The following DUSP2 variants were observed in gnomAD, a reference collection of about 807,000 sequenced individuals.
DUSP2 encodes dual specificity phosphatase 2, also known as dual specificity protein phosphatase 2.
Under a neutral mutation model 23.3 loss-of-function variants are expected in DUSP2, and 20 were observed. The observed-to-expected ratio is 0.86, with a 90% CI of 0.60 to 1.25. DUSP2 has a LOEUF of 1.25. Ranked by LOEUF, DUSP2 falls within the 50% of genes most tolerant of loss-of-function variation. DUSP2 has a pLI of 0.00. For synonymous variants in DUSP2, 231 were observed against 209.7 expected, an observed-to-expected ratio of 1.10 and a Z score of -0.88; for missense variants, 435 against 452.6, an observed-to-expected ratio of 0.96 and a Z score of 0.35.
In DUSP2 at chr2:96,143,489, G is replaced by A. The variant is rs889712263; in HGVS notation, c.*334C>T. 2.8e-5 allele frequency: 7 copies of A among 247,482 alleles called. No homozygotes were observed. Among genetic ancestry groups the A allele is most frequent in the Non-Finnish European group, 5.6e-5 (7 of 125,782 alleles). 15.3% of individuals were successfully genotyped at this position (247,482 alleles called of 1,614,324 possible). On this transcript the variant is annotated 3_prime_UTR_variant, in exon 4 of 4. Transcript: ENST00000288943. ...ACAGCTTGTTCCTTGGAGCTCTCAG[G>A]CTGCCAAGGGCTTCAACATGGTGGT...
At chr2:96,144,701 G>A (rs2104788552) in intron 2 of DUSP2, 60 bp downstream of exon 2, 1 of 1,436,830 alleles carries the variant, frequency 7.0e-7, no homozygotes, top group Non-Finnish European at 9.4e-7. Flanking sequence ...TCTTTCCCTA[G>A]AGGCGCCCAG....
Position 96,144,866 on chromosome 2 carries a change from G to A in DUSP2, c.405C>T (p.Phe135=), listed in dbSNP as rs1682478305. 2.6e-6 allele frequency: 4 copies of A among 1,549,760 alleles called. No individual in the cohort carries two copies. Among genetic ancestry groups the A allele is most frequent in the Non-Finnish European group, 3.5e-6 (4 of 1,146,224 alleles). ...VYFLRGGFDG[F]QGCCPDLCSE... ...AGCACAGATCGGGACAGCAGCCCTG[G>A]AAGCCGTCGAAGCCTCCTGCAAGGA... Residue 135 remains phenylalanine (F), a synonymous_variant, in exon 2 of 4, where the codon TTC becomes TTT. Coordinates refer to ENST00000288943, the MANE Select transcript of DUSP2 (RefSeq NM_004418.4).
intron 2 of DUSP2, 129 bp downstream of exon 2, chr2:96,144,632 C>T: frequency 1.1e-6 from 1 of 921,002 alleles, no homozygotes; most frequent in Non-Finnish European, 1.6e-6. Context: ...TCCCCCAACA[C>T]ACACACGTAT....
rs1243809045 is a variant in DUSP2, at chr2:96,144,855, C to G, written c.416G>C (p.Cys139Ser). The change falls in exon 2 of 4, where the codon TGT (cysteine) becomes TCT (serine). Residue 139 changes from cysteine (C) to serine (S), a missense_variant. Physicochemically the swap from Cys to Ser is moderately radical, Grantham distance 112 (BLOSUM62 -1). Transcript: ENST00000288943. ...GGGGGCCTCAGAGCACAGATCGGGA[C>G]AGCAGCCCTGGAAGCCGTCGAAGCC... is the stretch of plus-strand genomic sequence containing the variant. ...RGGFDGFQGC[C>S]PDLCSEAPAP... 1 of 1,554,756 alleles carries G rather than the reference C, an allele frequency of 6.4e-7. No homozygotes were observed. Among genetic ancestry groups the G allele is most frequent in the Non-Finnish European group, 8.7e-7 (1 of 1,149,434 alleles).
At chr2:96,144,096 G>A (rs1682454815) in intron 3 of DUSP2, 58 bp downstream of exon 3, 1 of 1,611,878 alleles carries the variant, frequency 6.2e-7, no homozygotes, top group Non-Finnish European at 8.5e-7. Context: ...GGAGACAGGT[G>A]CCCCCAGTCC....
Position 96,145,177 on chromosome 2 carries a change from G to C in DUSP2, c.178C>G (p.Arg60Gly), listed in dbSNP as rs1408543136. 7.8e-6 allele frequency: 10 copies of C among 1,290,256 alleles called. No individual in the cohort carries two copies. The East Asian group carries it at 3.3e-4, about 43-fold the overall frequency. 79.9% of individuals were successfully genotyped at this position (1,290,256 alleles called of 1,614,324 possible). ...GCGAGAACGGCGGCAGGAGGGCCGC[G>C]CGCGCGGCGCCGCAGCAGCGCGTTC... ...PWNALLRRRA[R>G]GPPAAVLACL... is the part of the protein sequence containing the mutation. The change falls in exon 1 of 4, where the codon CGC (arginine) becomes GGC (glycine). Residue 60 changes from arginine to glycine, a missense_variant. Transcript: ENST00000288943.
rs1450663190 is a variant in DUSP2 at position 96,145,169 on chromosome 2, A to C, written c.186T>G (p.Pro62=). 6.7e-5 allele frequency: 87 copies of C among 1,295,052 alleles called. No homozygotes were observed. Among genetic ancestry groups the C allele is most frequent in the Non-Finnish European group, 8.4e-5 (86 of 1,027,028 alleles). 80.2% of individuals were successfully genotyped at this position (1,295,052 alleles called of 1,614,324 possible). The change falls in exon 1 of 4, where the codon CCT becomes CCG. Residue 62 remains proline (P), a synonymous_variant. Coordinates refer to ENST00000288943, the MANE Select transcript of DUSP2 (RefSeq NM_004418.4). ...NALLRRRARG[P]PAAVLACLLP... ...GCAGGCAGGCGAGAACGGCGGCAGGAGGGCCGCGCGCGCGGCGCCGCAGCA... is the reference window on the plus strand; with the variant it reads ...GCAGGCAGGCGAGAACGGCGGCAGGCGGGCCGCGCGCGCGGCGCCGCAGCA...
In DUSP2 at chr2:96,143,665, C is replaced by A; in HGVS notation, c.*158G>T. On this transcript the variant is annotated 3_prime_UTR_variant, in exon 4 of 4. Transcript: ENST00000288943. ...GCACCAGGTCGGAAAGACCAGCATG[C>A]CGGCATTCCTAGAGCCCCCATGTGG... 2.4e-6 allele frequency: 2 copies of A among 850,606 alleles called. No homozygotes were observed. Among genetic ancestry groups the A allele is most frequent in the Non-Finnish European group, 3.6e-6 (2 of 555,186 alleles). 52.7% of individuals were successfully genotyped at this position (850,606 alleles called of 1,614,324 possible).
chr2:96,144,409 C>A (rs1225248249), intron 2 of DUSP2, 36 bp from the exon 3 acceptor site: 2 of 1,596,488 alleles, frequency 1.3e-6, no homozygotes, highest in Admixed American at 3.4e-5. Flanking sequence ...GCCTTTCCAG[C>A]CCAGCCCCGG....
rs1346418947 is a variant in DUSP2, at chr2:96,143,691, GGGCTTCTGAAA to G, written c.*121_*131del. 1 of 1,073,150 alleles carries G rather than the reference GGGCTTCTGAAA, an allele frequency of 9.3e-7. No homozygotes were observed. Among genetic ancestry groups the G allele is most frequent in the Non-Finnish European group, 1.3e-6 (1 of 752,660 alleles). 66.5% of individuals were successfully genotyped at this position (1,073,150 alleles called of 1,614,324 possible). A position where few individuals can be genotyped will look rare whatever the true frequency, so the allele number is the denominator to read the frequency against. ...CGGCATTCCTAGAGCCCCCATGTGG[GGGCTTCTGAAA>G]CTCTGAGGAGGTAGCAGCCCTGCCA... On this transcript the variant is annotated 3_prime_UTR_variant, in exon 4 of 4. Transcript: ENST00000288943.
At position 96,144,157 on chromosome 2, in the gene DUSP2, T is replaced by C. The variant is rs753164081; in HGVS notation, c.727A>G (p.Ile243Val). ...SAWFQEAIGF[I>V]DWVKNSGGRV... ...CTGGGCAGAGGTGCCCCCTTACCAA[T>C]GAAGCCTATGGCCTCCTGGAACCAG... Residue 243 changes from isoleucine (I) to valine (V), a missense_variant, in exon 3 of 4, where the codon ATT becomes GTT. By Grantham distance (29) the Ile-to-Val change is conservative (BLOSUM62 3). Coordinates refer to ENST00000288943, the MANE Select transcript of DUSP2 (RefSeq NM_004418.4). 2.5e-5 allele frequency: 40 copies of C among 1,613,940 alleles called. No homozygotes were observed. Among genetic ancestry groups the C allele is most frequent in the Non-Finnish European group, 3.4e-5 (40 of 1,180,018 alleles).
At chr2:96,144,640 T>C in intron 2 of DUSP2, 121 bp downstream of exon 2, 1 of 943,758 alleles carries the variant, frequency 1.1e-6, no homozygotes, top group Non-Finnish European at 1.6e-6. Flanking sequence ...CACACACACG[T>C]ATAAAAGTGT....
In DUSP2 at chr2:96,145,160, G is replaced by C. The variant is rs990146329; in HGVS notation, c.195C>G (p.Ala65=). Residue 65 remains alanine, a synonymous_variant, in exon 1 of 4, where the codon GCC becomes GCG. Transcript: ENST00000288943. ...GGTCGGGCAGCAGGCAGGCGAGAACGGCGGCAGGAGGGCCGCGCGCGCGGC... is the reference window on the plus strand; with the variant it reads ...GGTCGGGCAGCAGGCAGGCGAGAACCGCGGCAGGAGGGCCGCGCGCGCGGC... ...LRRRARGPPA[A]VLACLLPDRA... 9.2e-6 allele frequency: 12 copies of C among 1,307,742 alleles called. No individual in the cohort carries two copies. Among genetic ancestry groups the C allele is most frequent in the African/African-American group, 1.6e-5 (1 of 64,266 alleles). 81.0% of individuals were successfully genotyped at this position (1,307,742 alleles called of 1,614,324 possible).
rs1162722817 is a variant in DUSP2 at position 96,143,883 on chromosome 2, G to A, written c.885C>T (p.Ser295=). 8 of 1,613,672 alleles carry A rather than the reference G, an allele frequency of 5.0e-6. No homozygotes were observed. Among genetic ancestry groups the A allele is most frequent in the Non-Finnish European group, 6.8e-6 (8 of 1,180,014 alleles). ...GCTGCCCCATGAAACTGAAGTTGGG[G>A]GAGATGACCCCCCGGCGCTGCTTAA... The part of the protein sequence containing the change: ...DFVKQRRGVI[S]PNFSFMGQLL... Residue 295 remains serine, a synonymous_variant, in exon 4 of 4, where the codon TCC becomes TCT. Transcript: ENST00000288943.
rs768849806 is a variant in DUSP2 at position 96,143,932 on chromosome 2, C to T, written c.836G>A (p.Arg279Gln). ...LAYLMQSRRVRLDEAFDFVKQ... is the reference protein window; with the variant it reads ...LAYLMQSRRVQLDEAFDFVKQ... ...AACGAAGTCAAAGGCCTCGTCCAGC[C>T]GCACACGGCGACTCTGCATGAGGTA... The change falls in exon 4 of 4, where the codon CGG becomes CAG. Residue 279 changes from arginine to glutamine, a missense_variant. Physicochemically the swap from Arg to Gln is conservative, Grantham distance 43. Transcript: ENST00000288943. 6.2e-6 allele frequency: 10 copies of T among 1,613,706 alleles called. No individual in the cohort carries two copies. Among genetic ancestry groups the T allele is most frequent in the East Asian group, 4.5e-5 (2 of 44,892 alleles).
chr2:96,144,912 G>C, intron 1 of DUSP2, 30 bp from the exon 2 acceptor site: 3 of 1,548,444 alleles, frequency 1.9e-6, no homozygotes, highest in Middle Eastern at 1.7e-4. Context: ...ACGATCAGCA[G>C]GGAAAGCCGG....
In DUSP2 at chr2:96,144,297, GCCTGCAGCC is replaced by G. The variant is rs745737498; in HGVS notation, c.578_586del (p.Gly193_Gln195del). The G allele has an allele frequency of 1.2e-6, 2 of 1,613,870 alleles. No homozygotes were observed. Among genetic ancestry groups the G allele is most frequent in the Non-Finnish European group, 1.7e-6 (2 of 1,180,042 alleles). ...GTTGAGGACGGCTGTGATGCCACAG[GCCTGCAGCC>G]CCTGCAGGTCTGACGAGTGACTGCA... On this transcript the variant is annotated inframe_deletion, in exon 3 of 4. Transcript: ENST00000288943.
chr2:96,143,459 T>G lies in DUSP2; in HGVS notation c.*364A>C. ...ACGAACCCACAGACAGGGCTCCTGG[T>G]TGTCACAGCTTGTTCCTTGGAGCTC... On this transcript the variant is annotated 3_prime_UTR_variant, in exon 4 of 4. Coordinates refer to ENST00000288943, the MANE Select transcript of DUSP2 (RefSeq NM_004418.4). The G allele has an allele frequency of 4.6e-6, 1 of 219,282 alleles. No individual in the cohort carries two copies. The highest frequency in any genetic ancestry group is 9.2e-6 in the Non-Finnish European group (1 of 108,112). 13.6% of individuals were successfully genotyped at this position (219,282 alleles called of 1,614,324 possible). A position where few individuals can be genotyped will look rare whatever the true frequency, so the allele number is the denominator to read the frequency against.
At position 96,145,254 on chromosome 2, in the gene DUSP2, G is replaced by T; in HGVS notation, c.101C>A (p.Pro34His). 7.7e-7 allele frequency: 1 copy of T among 1,291,314 alleles called. No homozygotes were observed. Among genetic ancestry groups the T allele is most frequent in the Non-Finnish European group, 9.8e-7 (1 of 1,025,390 alleles). 80.0% of individuals were successfully genotyped at this position (1,291,314 alleles called of 1,614,324 possible). A position where few individuals can be genotyped will look rare whatever the true frequency, so the allele number is the denominator to read the frequency against. The change falls in exon 1 of 4, where the codon CCC becomes CAC. Residue 34 changes from proline (P) to histidine (H), a missense_variant. Transcript: ENST00000288943. ...AERTLLLDCRPFLAFCRRHVR... is the reference protein window; with the variant it reads ...AERTLLLDCRHFLAFCRRHVR... ...GTGGCGCCGGCAGAAGGCCAGGAAG[G>T]GGCGGCAGTCCAGCAGCAGCGTGCG...
Sources: allele counts gnomAD v4.1 joint callset, GRCh38; gene constraint gnomAD v4.1.1; transcripts MANE v1.5; gene names NCBI Gene and HGNC (gene_info 2026-07-23, HGNC 2026-07-21).